The following NCAM2 variants were observed in gnomAD, a reference collection of about 807,000 sequenced individuals.
NCAM2 encodes N-CAM-2.
NCAM2 carries 30 observed loss-of-function variants against 98.1 expected under a neutral mutation model. The observed-to-expected ratio is 0.31, with a 90% CI of 0.23 to 0.41. The LOEUF (loss-of-function observed/expected upper bound fraction) is 0.41. Among genes scored for constraint, NCAM2 ranks in the 10% least tolerant of loss-of-function variants. The pLI, the probability that NCAM2 is intolerant of heterozygous loss-of-function variation, is 1.00. For synonymous variants in NCAM2, 368 were observed against 342.4 expected, an observed-to-expected ratio of 1.07 and a Z score of -0.83; for missense variants, 867 against 1,005.8, an observed-to-expected ratio of 0.86 and a Z score of 1.87.
chr21:21,467,703 T>G (rs1320981165), intron 13 of NCAM2, among the ~76,000 whole-genome samples: 1 of 151,428 alleles, frequency 6.6e-6, no homozygotes, highest in Admixed American at 6.6e-5. Context: ...AAAAAAAGAA[T>G]CAGCTGGGTG....
At chr21:21,444,327 TC>T (rs1448780761) in intron 12 of NCAM2, among the ~76,000 whole-genome samples, 2 of 152,206 alleles carry the variant, frequency 1.3e-5, no homozygotes, top group Non-Finnish European at 2.9e-5. Context: ...GGTTTTGGTA[TC>T]AGGATGATGC....
intron 1 of NCAM2, among the ~76,000 whole-genome samples, chr21:21,029,433 C>T (rs1180764613): frequency 1.3e-5 from 2 of 152,122 alleles, no homozygotes; most frequent in East Asian, 3.9e-4. Context: ...TGCTGGGATG[C>T]CTGCCAAACC....
intron 9 of NCAM2, among the ~76,000 whole-genome samples, chr21:21,400,598 T>C (rs11504942): frequency 2.3e-5 from 1 of 43,866 alleles, no homozygotes; most frequent in South Asian, 5.3e-4. Flanking sequence ...TACCAAAAAC[T>C]TTTTTTTTTT....
At chr21:21,328,762 T>C (rs1226042792) in intron 6 of NCAM2, among the ~76,000 whole-genome samples, 3 of 151,708 alleles carry the variant, frequency 2.0e-5, no homozygotes, top group Non-Finnish European at 4.4e-5. Flanking sequence ...CTAAGGTGAA[T>C]TTATTATTGA....
intron 6 of NCAM2, among the ~76,000 whole-genome samples, chr21:21,330,154 C>G (rs947345762): frequency 6.6e-6 from 1 of 151,868 alleles, no homozygotes; most frequent in African/African-American, 2.4e-5. Flanking sequence ...TCATTAATTT[C>G]TGGTTTTATT....
chr21:21,525,826 C>A (rs2146401550), intron 16 of NCAM2, among the ~76,000 whole-genome samples: 1 of 152,098 alleles, frequency 6.6e-6, no homozygotes, highest in African/African-American at 2.4e-5. Flanking sequence ...TGGGATTTAT[C>A]CCAGGTATGC....
chr21:21,241,155 CTT>C (rs1414218795), intron 1 of NCAM2, among the ~76,000 whole-genome samples: 3 of 151,874 alleles, frequency 2.0e-5, no homozygotes, highest in African/African-American at 7.3e-5. Flanking sequence ...GATGCAAACA[CTT>C]TCAATTAAAA....
rs1220049540 is a variant in NCAM2 at position 21,529,786 on chromosome 21, A to G, written c.2283-4751A>G. 3.3e-5 allele frequency among the ~76,000 whole-genome samples: 5 copies of G among 151,780 alleles called. 1 individual carries two copies. In the East Asian group the frequency reaches 5.8e-4, roughly 18 times the overall value. Reference sequence around the variant, plus strand: ...TGTGTTAATATTAATAAAACATAACATAGTATTAGTGTTTCTTTAAGTAAC... The same window carrying G: ...TGTGTTAATATTAATAAAACATAACGTAGTATTAGTGTTTCTTTAAGTAAC... On this transcript the variant is annotated intron_variant, in intron 16 of 17. Coordinates refer to ENST00000400546, the MANE Select transcript of NCAM2 (RefSeq NM_004540.5).
At chr21:21,093,411 CTG>C (rs2066054265) in intron 1 of NCAM2, among the ~76,000 whole-genome samples, 1 of 152,102 alleles carries the variant, frequency 6.6e-6, no homozygotes, top group Non-Finnish European at 1.5e-5. Flanking sequence ...ACATTTATGT[CTG>C]TGAACAGCGA....
At chr21:21,125,019 A>G (rs969844144) in intron 1 of NCAM2, among the ~76,000 whole-genome samples, 3 of 152,128 alleles carry the variant, frequency 2.0e-5, no homozygotes, top group African/African-American at 7.2e-5. Flanking sequence ...AAAGGTAATA[A>G]ATGCTCAAAA....
At chr21:21,204,787 C>T (rs563944367) in intron 1 of NCAM2, among the ~76,000 whole-genome samples, 1 of 152,136 alleles carries the variant, frequency 6.6e-6, no homozygotes, top group East Asian at 1.9e-4. Context: ...TGCATATGGC[C>T]ATCTGGAAAA....
intron 5 of NCAM2, among the ~76,000 whole-genome samples, chr21:21,315,489 G>T (rs931053363): frequency 6.6e-5 from 10 of 152,178 alleles, no homozygotes; most frequent in Admixed American, 5.9e-4. Flanking sequence ...TGAGATTAAT[G>T]AGGAGGATAA....
intron 9 of NCAM2, among the ~76,000 whole-genome samples, chr21:21,402,171 G>A (rs2076644906): frequency 6.6e-6 from 1 of 152,256 alleles, no homozygotes; most frequent in South Asian, 2.1e-4. Flanking sequence ...ACTGCCTGCA[G>A]GGTTGGGCAA....
In NCAM2 at chr21:21,380,846, G is replaced by A. The variant is rs945341939; in HGVS notation, c.1195+6833G>A. Among the ~76,000 whole-genome samples the A allele has an allele frequency of 8.5e-5, 13 of 152,068 alleles. No individual in the cohort carries two copies. The East Asian group carries it at 1.7e-3, about 20-fold the overall frequency. ...AAGGTGTCAGTATCTTTGGGAGGTC[G>A]TTATTCTCCCTCCCGTTTGTGTCTT... On this transcript the variant is annotated intron_variant, in intron 9 of 17. Transcript: ENST00000400546.
chr21:21,363,525 A>C (rs969272625), intron 8 of NCAM2, among the ~76,000 whole-genome samples: 3 of 151,998 alleles, frequency 2.0e-5, no homozygotes, highest in Non-Finnish European at 4.4e-5. Context: ...GATACATATA[A>C]TTTTCTAGAC....
At chr21:21,346,251 A>C (rs900003045) in intron 8 of NCAM2, among the ~76,000 whole-genome samples, 1 of 151,922 alleles carries the variant, frequency 6.6e-6, no homozygotes, top group Non-Finnish European at 1.5e-5. Flanking sequence ...TATGTCAAAC[A>C]AAATAGATTT....
chr21:21,386,279 G>A (rs1284864536), intron 9 of NCAM2, among the ~76,000 whole-genome samples: 1 of 152,124 alleles, frequency 6.6e-6, no homozygotes, highest in Non-Finnish European at 1.5e-5. Flanking sequence ...GCTTATTTCA[G>A]TAAACACTTA....
At chr21:21,145,114 G>T (rs989177453) in intron 1 of NCAM2, among the ~76,000 whole-genome samples, 6 of 151,686 alleles carry the variant, frequency 4.0e-5, no homozygotes, top group Non-Finnish European at 7.4e-5. Flanking sequence ...TTATTTTTTT[G>T]ATTACTCCAC....
chr21:21,269,054 GAAAAAACTTAAACAA>G (rs1195650121), intron 1 of NCAM2, among the ~76,000 whole-genome samples: 1 of 152,036 alleles, frequency 6.6e-6, no homozygotes, highest in East Asian at 1.9e-4. Context: ...TACTTGCATT[GAAAAAACTTAAACAA>G]AAGGTTGTTT....
Sources: gnomAD v4.1 joint callset for allele counts (sites outside exome capture counted in the v4.1 genomes callset) on GRCh38, gnomAD v4.1.1 for gene constraint, MANE v1.5 for transcripts, NCBI Gene and HGNC (gene_info 2026-07-23, HGNC 2026-07-21) for gene names.